The following ODAD3 variants were observed in gnomAD, a reference collection of about 807,000 sequenced individuals.
ODAD3 encodes outer dynein arm docking complex subunit 3.
A neutral mutation model predicts 70.9 loss-of-function variants in ODAD3; 57 were observed. That is an observed-to-expected ratio of 0.80 (90% confidence interval 0.65 to 1.00). The LOEUF (loss-of-function observed/expected upper bound fraction) is 1.00, where lower values mean the gene tolerates loss of function less well. Ranked by LOEUF, ODAD3 falls within the 50% of genes least tolerant of loss-of-function variation. The pLI is 0.00. For synonymous variants in ODAD3, 327 were observed against 315.9 expected, an observed-to-expected ratio of 1.04 and a Z score of -0.37; for missense variants, 797 against 763.9, an observed-to-expected ratio of 1.04 and a Z score of -0.51.
Position 11,423,933 on chromosome 19 carries a change from G to T in ODAD3, c.1060C>A (p.Gln354Lys). The change falls in exon 8 of 13, where the codon CAG (glutamine) becomes AAG (lysine). Residue 354 changes from glutamine to lysine, a missense_variant. Physicochemically the swap from Gln to Lys is moderately conservative, Grantham distance 53 (BLOSUM62 1). Transcript: ENST00000356392. Reference sequence around the variant, plus strand: ...ACCTTGCCAAAGATCACCTCCATCTGGTACATGCTCCAGCGCTGCCGCAGC... The same window carrying T: ...ACCTTGCCAAAGATCACCTCCATCTTGTACATGCTCCAGCGCTGCCGCAGC... ...EELRQRWSMY[Q>K]MEVIFGKVKD... 3 of 1,613,430 alleles carry T rather than the reference G, an allele frequency of 1.9e-6. No homozygotes were observed. The highest frequency in any genetic ancestry group is 2.5e-6 in the Non-Finnish European group (3 of 1,179,972).
Position 11,422,204 on chromosome 19 carries a change from T to C in ODAD3, c.1434+267A>G, listed in dbSNP as rs1433603361. ...TTTTCGGGGACAGGGTGGGACTTCT[T>C]TCCCTTGGAGGCGGAGCTTGAGACG... On this transcript the variant is annotated intron_variant, in intron 10 of 12. Transcript: ENST00000356392. This position sits in a 1 kb window ranked among gnomAD's most constrained non-coding sequence, Gnocchi z 4.6. Among the ~76,000 whole-genome samples, 3 of 152,246 alleles carry C rather than the reference T, an allele frequency of 2.0e-5. No homozygotes were observed. In the East Asian group the frequency reaches 5.8e-4, roughly 29 times the overall value.
chr19:11,426,005 TG>T, intron 7 of ODAD3, 138 bp downstream of exon 7: 2 of 974,078 alleles, frequency 2.1e-6, no homozygotes, highest in East Asian at 3.2e-5. Flanking sequence ...TCGCACCAAG[TG>T]GGGGTGGAGT....
intron 3 of ODAD3, among the ~76,000 whole-genome samples, chr19:11,429,304 C>T (rs912393657): frequency 3.3e-5 from 5 of 151,984 alleles, no homozygotes; most frequent in Non-Finnish European, 7.4e-5. Context: ...CTCCGCCTCC[C>T]GGGTTCAAAC....
intron 3 of ODAD3, 150 bp from the exon 4 acceptor site, chr19:11,427,190 G>T: frequency 1.2e-6 from 1 of 831,798 alleles, no homozygotes; most frequent in Non-Finnish European, 1.8e-6. Context: ...CTTCTGTGTT[G>T]TTTTTGTAGA....
intron 7 of ODAD3, among the ~76,000 whole-genome samples, chr19:11,424,923 CTATGTGTATATATGTATA>C (rs1169469830): frequency 1.1e-5 from 1 of 94,598 alleles, no homozygotes; most frequent in Admixed American, 9.9e-5. Flanking sequence ...GTATATGTAC[CTATGTGTATATATGTATA>C]TATGTGTATA....
intron 7 of ODAD3, among the ~76,000 whole-genome samples, chr19:11,425,247 A>G (rs933132777): frequency 2.7e-4 from 33 of 121,304 alleles, no homozygotes; most frequent in South Asian, 7.1e-4. Flanking sequence ...ATATGTGTAT[A>G]TATGTATATG....
At chr19:11,432,240 G>A (rs1403644041) in intron 1 of ODAD3, among the ~76,000 whole-genome samples, 3 of 152,128 alleles carry the variant, frequency 2.0e-5, no homozygotes, top group Non-Finnish European at 2.9e-5. Context: ...TTCCAGGACT[G>A]TTGTATTTTC....
Position 11,424,048 on chromosome 19 carries a change from C to G in ODAD3, c.964-19G>C, listed in dbSNP as rs774452185. ...GGTGGGTCTGCTCGTGGGTTGAGGT[C>G]AGAGCCAGGGTCAGCTGGTGGACAG... On this transcript the variant is annotated intron_variant, in intron 7 of 12. Coordinates refer to ENST00000356392, the MANE Select transcript of ODAD3 (RefSeq NM_145045.5). 7 of 1,600,836 alleles carry G rather than the reference C, an allele frequency of 4.4e-6. No individual in the cohort carries two copies. Among genetic ancestry groups the G allele is most frequent in the Non-Finnish European group, 5.1e-6 (6 of 1,176,512 alleles).
In ODAD3 at chr19:11,420,933, CCTCA is replaced by C; in HGVS notation, c.1686_1689del (p.Ser562ArgfsTer7). 6.2e-7 allele frequency: 1 copy of C among 1,613,976 alleles called. No individual in the cohort carries two copies. Among genetic ancestry groups the C allele is most frequent in the Non-Finnish European group, 8.5e-7 (1 of 1,179,968 alleles). ...CGGGTCACTACCTCGTTGTCCTCCT[CCTCA>C]CTCTCTTCGTCTAAGGGGGGTGGGG... On this transcript the variant is annotated frameshift_variant, in exon 13 of 13. Transcript: ENST00000356392. LOFTEE classifies it low-confidence loss of function (END_TRUNC).
chr19:11,430,787 G>A lies in ODAD3; in HGVS notation c.367-11C>T, dbSNP rs903066254. The stretch of plus-strand genomic sequence containing the variant: ...CACTTTCTCATCTCCCTGCAAGGAG[G>A]GAAGTCCAGTCACCTTTCAGCATGC... On this transcript the variant is annotated splice_polypyrimidine_tract_variant and intron_variant, in intron 2 of 12. Transcript: ENST00000356392. 3.7e-6 allele frequency: 6 copies of A among 1,613,896 alleles called. No homozygotes were observed. Among genetic ancestry groups the A allele is most frequent in the African/African-American group, 1.3e-5 (1 of 74,888 alleles).
chr19:11,424,494 C>CAT (rs951847683), intron 7 of ODAD3, among the ~76,000 whole-genome samples: 5 of 145,004 alleles, frequency 3.4e-5, no homozygotes, highest in East Asian at 2.0e-4. Flanking sequence ...AAAAAAAATC[C>CAT]ATATATATAT....
chr19:11,433,957 A>G (rs1195056957), intron 1 of ODAD3, among the ~76,000 whole-genome samples: 1 of 151,618 alleles, frequency 6.6e-6, no homozygotes, highest in Non-Finnish European at 1.5e-5. Flanking sequence ...GGTGGCTCAC[A>G]CATGTAATCC....
At chr19:11,431,059 G>T (rs1409525643) in intron 1 of ODAD3, 39 bp from the exon 2 acceptor site, 1 of 1,613,518 alleles carries the variant, frequency 6.2e-7, no homozygotes, top group Admixed American at 1.7e-5. Flanking sequence ...ACAGTTACTG[G>T]GTGGGTGCAT....
intron 1 of ODAD3, among the ~76,000 whole-genome samples, chr19:11,433,037 G>A (rs1000134385): frequency 6.6e-6 from 1 of 150,938 alleles, no homozygotes; most frequent in Non-Finnish European, 1.5e-5. Flanking sequence ...CAAATGATCC[G>A]CCCACCTCAG....
chr19:11,425,996 C>T (rs1402860791), intron 7 of ODAD3, 148 bp downstream of exon 7: 1 of 1,084,540 alleles, frequency 9.2e-7, no homozygotes, highest in Non-Finnish European at 1.3e-6. Context: ...GAGGGGTCTT[C>T]GCACCAAGTG....
upstream of ODAD3, chr19:11,435,184 T>G: frequency 1.4e-6 from 2 of 1,429,032 alleles, no homozygotes; most frequent in Non-Finnish European, 1.8e-6. Flanking sequence ...CGCCTCCCCG[T>G]CTCTCTCCAC....
In ODAD3 at chr19:11,426,182, C is replaced by T. The variant is rs587777779; in HGVS notation, c.925G>A (p.Glu309Lys). ...RYISECKKRAEEKKLENERME... is the reference protein window; with the variant it reads ...RYISECKKRAKEKKLENERME... ...CGCTCGTTCTCCAGTTTCTTCTCCT[C>T]GGCGCGCTTCTTGCACTCACTTATG... The change falls in exon 7 of 13, where the codon GAG becomes AAG. Residue 309 changes from glutamate (E) to lysine (K), a missense_variant. Coordinates refer to ENST00000356392, the MANE Select transcript of ODAD3 (RefSeq NM_145045.5). 5.0e-6 allele frequency: 8 copies of T among 1,612,890 alleles called. No individual in the cohort carries two copies. The highest frequency in any genetic ancestry group is 2.2e-5 in the East Asian group (1 of 44,860).
At chr19:11,424,515 A>G (rs11882831) in intron 7 of ODAD3, among the ~76,000 whole-genome samples, 2 of 140,036 alleles carry the variant, frequency 1.4e-5, no homozygotes, top group African/African-American at 3.0e-5. Flanking sequence ...GTATATATGT[A>G]TATATATGTA....
In ODAD3 at chr19:11,420,823, G is replaced by A; in HGVS notation, c.*12C>T. 8 of 1,609,264 alleles carry A rather than the reference G, an allele frequency of 5.0e-6. No individual in the cohort carries two copies. The highest frequency in any genetic ancestry group is 6.8e-6 in the Non-Finnish European group (8 of 1,175,778). ...CTCCGAAGGGGGCCGCCTGGTGGGT[G>A]TCAGGACGAGTCTAGGACCTCCGAG... On this transcript the variant is annotated 3_prime_UTR_variant, in exon 13 of 13. Coordinates refer to ENST00000356392, the MANE Select transcript of ODAD3 (RefSeq NM_145045.5).
Sources: allele counts gnomAD v4.1 joint callset (sites outside exome capture counted in the v4.1 genomes callset), GRCh38; gene constraint gnomAD v4.1.1; non-coding constraint Gnocchi (gnomAD v3.1); transcripts MANE v1.5; gene names NCBI Gene and HGNC (gene_info 2026-07-23, HGNC 2026-07-21).